SH3GL2: variants seen among roughly 807,000 people sequenced by gnomAD.
SH3GL2 encodes the protein SH3 domain containing GRB2 like 2, endophilin A1, also known as endophilin-A1.
A neutral mutation model predicts 46.0 loss-of-function variants in SH3GL2; 24 were observed. The observed-to-expected ratio is 0.52, with a 90% CI of 0.38 to 0.73. SH3GL2 has a LOEUF of 0.73. Among genes scored for constraint, SH3GL2 ranks in the 30% least tolerant of loss-of-function variants. The pLI, the probability that SH3GL2 is intolerant of heterozygous loss-of-function variation, is 0.00. For missense variants in SH3GL2, 413 were observed against 424.2 expected (o/e 0.97, Z 0.23); for synonymous variants, 196 against 147.1 (o/e 1.33, Z -2.40).
intron 3 of SH3GL2, among the ~76,000 whole-genome samples, chr9:17,781,635 A>G (rs1823813000): frequency 6.6e-6 from 1 of 152,126 alleles, no homozygotes. Flanking sequence ...ACACTACCAA[A>G]TTGTTGTCCA....
intron 1 of SH3GL2, among the ~76,000 whole-genome samples, chr9:17,742,414 A>C (rs1449155702): frequency 6.6e-6 from 1 of 152,178 alleles, no homozygotes; most frequent in African/African-American, 2.4e-5. Context: ...TATTTGGTAT[A>C]TGGAAAAAAT....
intron 3 of SH3GL2, among the ~76,000 whole-genome samples, chr9:17,769,103 T>C (rs1313402481): frequency 6.6e-6 from 1 of 152,188 alleles, no homozygotes; most frequent in African/African-American, 2.4e-5. Flanking sequence ...GTCACCTAAT[T>C]TGTGCAGCTT....
At chr9:17,680,835 G>T (rs1820747979) in intron 1 of SH3GL2, among the ~76,000 whole-genome samples, 1 of 152,018 alleles carries the variant, frequency 6.6e-6, no homozygotes, top group Non-Finnish European at 1.5e-5. Context: ...TTGTGTCTTT[G>T]TTCTCGTTGG....
At chr9:17,694,849 G>A (rs1461741443) in intron 1 of SH3GL2, among the ~76,000 whole-genome samples, 13 of 152,140 alleles carry the variant, frequency 8.5e-5, no homozygotes, top group Admixed American at 8.5e-4. Flanking sequence ...ACAAGTGGGG[G>A]CTTACAGACT....
chr9:17,663,890 G>A (rs1588215700), intron 1 of SH3GL2, among the ~76,000 whole-genome samples: 1 of 152,184 alleles, frequency 6.6e-6, no homozygotes, highest in African/African-American at 2.4e-5. Context: ...GTCACTTCAT[G>A]AACTTATTGT....
At chr9:17,587,932 T>C (rs917803665) in intron 1 of SH3GL2, among the ~76,000 whole-genome samples, 3 of 151,952 alleles carry the variant, frequency 2.0e-5, no homozygotes, top group African/African-American at 7.3e-5. Context: ...TTCAACTTAA[T>C]AGGCTTCTGA....
chr9:17,750,630 A>C (rs1024978885), intron 2 of SH3GL2, among the ~76,000 whole-genome samples: 2 of 152,160 alleles, frequency 1.3e-5, no homozygotes, highest in African/African-American at 4.8e-5. Flanking sequence ...TTTGTTAAAC[A>C]CAGGCTAAAT....
chr9:17,738,288 G>A (rs1165192559), intron 1 of SH3GL2, among the ~76,000 whole-genome samples: 1 of 148,698 alleles, frequency 6.7e-6, no homozygotes, highest in African/African-American at 2.5e-5. Context: ...ACCCTAATCT[G>A]AAAAAAAAAT....
intron 5 of SH3GL2, among the ~76,000 whole-genome samples, chr9:17,788,336 C>T (rs34106908): frequency 0.16 from 24,152 of 152,046 alleles, 2,363 homozygotes; most frequent in Middle Eastern, 0.26. Context: ...AAAGAAAGTT[C>T]CTTCCAAATG....
chr9:17,670,103 C>A (rs139954619), intron 1 of SH3GL2, among the ~76,000 whole-genome samples: 1 of 152,098 alleles, frequency 6.6e-6, no homozygotes, highest in Non-Finnish European at 1.5e-5. Context: ...ATCATACAGG[C>A]AGGTCCTCAG....
At chr9:17,782,843 G>A (rs1423218360) in intron 3 of SH3GL2, among the ~76,000 whole-genome samples, 1 of 152,178 alleles carries the variant, frequency 6.6e-6, no homozygotes, top group Non-Finnish European at 1.5e-5. Context: ...AGGCACCTCT[G>A]CATCTTTCTG....
chr9:17,674,943 G>C (rs1293843648), intron 1 of SH3GL2, among the ~76,000 whole-genome samples: 1 of 152,152 alleles, frequency 6.6e-6, no homozygotes, highest in Non-Finnish European at 1.5e-5. Flanking sequence ...CCAGATTCAA[G>C]GGATGGGGAG....
In SH3GL2 at chr9:17,598,193, T is replaced by C. The variant is rs537316286; in HGVS notation, c.45+18906T>C. ...CTGGGGAAGCTCTCACCAGCTGACG[T>C]CATTCAAAAAGTGAACAGGGTACTA... On this transcript the variant is annotated intron_variant, in intron 1 of 8. Transcript: ENST00000380607. Among the ~76,000 whole-genome samples, 3 of 152,248 alleles carry C rather than the reference T, an allele frequency of 2.0e-5. No homozygotes were observed. In the South Asian group the frequency reaches 6.2e-4, roughly 32 times the overall value.
chr9:17,694,586 C>A (rs967699343), intron 1 of SH3GL2, among the ~76,000 whole-genome samples: 3 of 152,074 alleles, frequency 2.0e-5, no homozygotes, highest in South Asian at 2.1e-4. Context: ...CCTTCCACTG[C>A]AATACTAGAG....
Position 17,713,032 on chromosome 9 carries a change from T to A in SH3GL2, c.46-34034T>A, listed in dbSNP as rs1331232322. Among the ~76,000 whole-genome samples the A allele has an allele frequency of 3.3e-5, 5 of 151,668 alleles. No homozygotes were observed. The East Asian group carries it at 9.7e-4, about 29-fold the overall frequency. On this transcript the variant is annotated intron_variant, in intron 1 of 8. Transcript: ENST00000380607. Reference sequence around the variant, plus strand: ...TATACATTTTTCTTATAGGCCCTTTTTAAAGTTTAAGGGCATTCCTTTCCC... The same window carrying A: ...TATACATTTTTCTTATAGGCCCTTTATAAAGTTTAAGGGCATTCCTTTCCC...
intron 1 of SH3GL2, among the ~76,000 whole-genome samples, chr9:17,585,290 A>G (rs1818352747): frequency 6.6e-6 from 1 of 152,170 alleles, no homozygotes; most frequent in Admixed American, 6.5e-5. Context: ...TTTAAGGTGG[A>G]TACCTGATGG....
intron 1 of SH3GL2, among the ~76,000 whole-genome samples, chr9:17,708,170 C>T (rs1821523175): frequency 6.6e-6 from 1 of 151,990 alleles, no homozygotes; most frequent in African/African-American, 2.4e-5. Flanking sequence ...CTTCTTTCTT[C>T]CCATCGTGGT....
At chr9:17,626,469 G>A (rs1819283967) in intron 1 of SH3GL2, among the ~76,000 whole-genome samples, 1 of 152,164 alleles carries the variant, frequency 6.6e-6, no homozygotes, top group Non-Finnish European at 1.5e-5. Flanking sequence ...TTCCTGCTCT[G>A]TTTTTGATTT....
rs1310316382 is a variant in SH3GL2 at position 17,580,344 on chromosome 9, C to T, written c.45+1057C>T. ...ATTTCTCGGAAGTAGTGAGGTTTTTCCTAGGCTACCACAGTGGCAGCCTTG... is the reference window on the plus strand; with the variant it reads ...ATTTCTCGGAAGTAGTGAGGTTTTTTCTAGGCTACCACAGTGGCAGCCTTG... On this transcript the variant is annotated intron_variant, in intron 1 of 8. Transcript: ENST00000380607. Among the ~76,000 whole-genome samples, 4 of 152,230 alleles carry T rather than the reference C, an allele frequency of 2.6e-5. No individual in the cohort carries two copies. The East Asian group carries it at 5.8e-4, about 22-fold the overall frequency.
Sources: allele counts gnomAD v4.1 joint callset (sites outside exome capture counted in the v4.1 genomes callset), GRCh38; gene constraint gnomAD v4.1.1; transcripts MANE v1.5; gene names NCBI Gene and HGNC (gene_info 2026-07-23, HGNC 2026-07-21).